ARHGEF38: variants seen among roughly 807,000 people sequenced by gnomAD.
ARHGEF38 encodes Rho guanine nucleotide exchange factor (GEF) 38.
ARHGEF38 carries 79 observed loss-of-function variants against 79.9 expected under a neutral mutation model. The observed-to-expected ratio is 0.99, with a 90% CI of 0.82 to 1.19. The LOEUF is 1.19. Among genes scored for constraint, ARHGEF38 ranks in the 50% most tolerant of loss-of-function variants. The pLI is 0.00. For synonymous variants in ARHGEF38, 366 were observed against 328.3 expected (o/e 1.11, Z -1.24); for missense variants, 962 against 907.2 (o/e 1.06, Z -0.78).
At chr4:105,567,402 G>T (rs2866793) in intron 1 of ARHGEF38, among the ~76,000 whole-genome samples, 1 of 152,128 alleles carries the variant, frequency 6.6e-6, no homozygotes, top group East Asian at 1.9e-4. Flanking sequence ...CATTAAAGCA[G>T]TTTTCACAGA....
At chr4:105,632,032 C>T (rs959679078) in intron 4 of ARHGEF38, among the ~76,000 whole-genome samples, 3 of 152,132 alleles carry the variant, frequency 2.0e-5, no homozygotes, top group South Asian at 4.2e-4. Context: ...GGATCCCCAA[C>T]GGGGATGGGG....
At chr4:105,671,147 T>C (rs750696832) in intron 13 of ARHGEF38, among the ~76,000 whole-genome samples, 2 of 152,222 alleles carry the variant, frequency 1.3e-5, no homozygotes, top group African/African-American at 4.8e-5. Flanking sequence ...TTGGCACCAA[T>C]TCAAAGTAGG....
At position 105,652,254 on chromosome 4, in the gene ARHGEF38, G is replaced by A. The variant is rs1485740369; in HGVS notation, c.1009-1811G>A. On this transcript the variant is annotated intron_variant, in intron 7 of 13. Transcript: ENST00000420470. The stretch of plus-strand genomic sequence containing the variant: ...TCATAATTCCATTATATATGTGTAA[G>A]GATTACAATGAGAAAATGGAAGAAA... 5.9e-5 allele frequency among the ~76,000 whole-genome samples: 9 copies of A among 152,162 alleles called. No homozygotes were observed. The South Asian group carries it at 6.2e-4, about 11-fold the overall frequency.
chr4:105,651,180 G>A (rs1730088496), intron 7 of ARHGEF38, among the ~76,000 whole-genome samples: 1 of 152,196 alleles, frequency 6.6e-6, no homozygotes, highest in African/African-American at 2.4e-5. Context: ...AAAGTGAATT[G>A]TAGTTAAAGT....
chr4:105,641,246 G>A (rs902211965), intron 5 of ARHGEF38, among the ~76,000 whole-genome samples: 46 of 151,882 alleles, frequency 3.0e-4, no homozygotes, highest in Admixed American at 3.0e-3. Context: ...ATTTTCAATG[G>A]ACCCTCCTTA....
Position 105,639,247 on chromosome 4 carries a change from C to T in ARHGEF38, c.674+2827C>T, listed in dbSNP as rs960930032. Among the ~76,000 whole-genome samples the T allele has an allele frequency of 3.3e-5, 5 of 151,788 alleles. No individual in the cohort carries two copies. The East Asian group carries it at 5.8e-4, about 18-fold the overall frequency. On this transcript the variant is annotated intron_variant, in intron 5 of 13. Transcript: ENST00000420470. ...ACTGAGATGTTCATTTTTTCTAATA[C>T]GTTTGTAATGTCTCTTTAATTAGTG...
At chr4:105,613,323 G>A in intron 2 of ARHGEF38, 61 bp from the exon 3 acceptor site, 9 of 1,550,726 alleles carry the variant, frequency 5.8e-6, no homozygotes, top group Admixed American at 1.8e-5. Flanking sequence ...TACTGTTTAG[G>A]AGGAGAAAAC....
In ARHGEF38 at chr4:105,573,467, C is replaced by T. The variant is rs139270075; in HGVS notation, c.197-15781C>T. On this transcript the variant is annotated intron_variant, in intron 1 of 13. Transcript: ENST00000420470. ...ATGCAAATATCCAATTTTCCCGGCA[C>T]CATTTGTTGTAAAGATTGTCTTTTC... Among the ~76,000 whole-genome samples, 12 of 152,238 alleles carry T rather than the reference C, an allele frequency of 7.9e-5. No homozygotes were observed. In the East Asian group the frequency reaches 2.1e-3, roughly 27 times the overall value.
At chr4:105,572,395 A>G (rs1006428982) in intron 1 of ARHGEF38, among the ~76,000 whole-genome samples, 6 of 152,174 alleles carry the variant, frequency 3.9e-5, no homozygotes, top group African/African-American at 1.4e-4. Flanking sequence ...AAATGCACAT[A>G]ACAACATTTA....
chr4:105,604,385 C>T (rs1346331925), intron 2 of ARHGEF38, among the ~76,000 whole-genome samples: 1 of 152,180 alleles, frequency 6.6e-6, no homozygotes, highest in Non-Finnish European at 1.5e-5. Context: ...TGTTACTACT[C>T]AAGTCTACTG....
chr4:105,666,294 G>GA lies in ARHGEF38; in HGVS notation c.1667dup (p.Lys557GlufsTer15). ...CTTTATTGAGAGGAAACTCAGTTTT[G>GA]AAAAGAAGAAACCTGTGCAGATTCT... On this transcript the variant is annotated frameshift_variant, in exon 11 of 14. Coordinates refer to ENST00000420470, the MANE Select transcript of ARHGEF38 (RefSeq NM_001242729.2). LOFTEE classifies it high-confidence loss of function. 6.5e-7 allele frequency: 1 copy of GA among 1,532,156 alleles called. No homozygotes were observed. The highest frequency in any genetic ancestry group is 8.7e-7 in the Non-Finnish European group (1 of 1,145,580). The allele number at this position is 1,532,156 out of a possible 1,614,324, so 94.9% of individuals were successfully genotyped here.
At position 105,677,383 on chromosome 4, in the gene ARHGEF38, G is replaced by C. The variant is rs1164079440; in HGVS notation, c.2149-369G>C. On this transcript the variant is annotated intron_variant, in intron 13 of 13. Coordinates refer to ENST00000420470, the MANE Select transcript of ARHGEF38 (RefSeq NM_001242729.2). ...CTCCCACTTTTCGCCATTCTTATGG[G>C]TAATCCAGTAACATTGTTATGCAAA... is the stretch of plus-strand genomic sequence containing the variant. Among the ~76,000 whole-genome samples, 4 of 152,110 alleles carry C rather than the reference G, an allele frequency of 2.6e-5. No individual in the cohort carries two copies. In the East Asian group the frequency reaches 7.7e-4, roughly 29 times the overall value.
At chr4:105,661,261 G>A (rs1730551024) in intron 10 of ARHGEF38, among the ~76,000 whole-genome samples, 1 of 151,776 alleles carries the variant, frequency 6.6e-6, no homozygotes, top group Non-Finnish European at 1.5e-5. Flanking sequence ...TCCATTTTTT[G>A]GCTGTTATTA....
At chr4:105,582,251 T>A (rs1175085437) in intron 1 of ARHGEF38, among the ~76,000 whole-genome samples, 6 of 151,732 alleles carry the variant, frequency 4.0e-5, no homozygotes, top group Admixed American at 3.3e-4. Flanking sequence ...TCAATTTCAT[T>A]AAGCTTTGTT....
chr4:105,679,207 C>T lies in ARHGEF38; in HGVS notation c.*1270C>T, dbSNP rs1731224651. 4 of 639,050 alleles carry T rather than the reference C, an allele frequency of 6.3e-6. No homozygotes were observed. Among genetic ancestry groups the T allele is most frequent in the East Asian group, 5.5e-5 (2 of 36,586 alleles). 39.6% of individuals were successfully genotyped at this position (639,050 alleles called of 1,614,324 possible). On this transcript the variant is annotated 3_prime_UTR_variant, in exon 14 of 14. Transcript: ENST00000420470. ...ACCTGACTGGCCTGACCAGCCACTC[C>T]TCTGTCTGGAATTAAAAGATGTTTC...
At chr4:105,673,970 T>C (rs1182818781) in intron 13 of ARHGEF38, among the ~76,000 whole-genome samples, 1 of 152,216 alleles carries the variant, frequency 6.6e-6, no homozygotes, top group Non-Finnish European at 1.5e-5. Flanking sequence ...TAAATGCTGA[T>C]TCTGTACCTT....
At chr4:105,567,252 C>T (rs559229406) in intron 1 of ARHGEF38, among the ~76,000 whole-genome samples, 1 of 152,248 alleles carries the variant, frequency 6.6e-6, no homozygotes, top group Admixed American at 6.5e-5. Flanking sequence ...TTTTTAAATA[C>T]TGACCAATAT....
chr4:105,558,821 T>C (rs914454002), intron 1 of ARHGEF38, among the ~76,000 whole-genome samples: 8 of 152,028 alleles, frequency 5.3e-5, no homozygotes, highest in African/African-American at 1.9e-4. Flanking sequence ...TTGTGCTTTT[T>C]TTTTTTGTTT....
At chr4:105,631,931 A>G (rs542585598) in intron 4 of ARHGEF38, among the ~76,000 whole-genome samples, 4 of 152,262 alleles carry the variant, frequency 2.6e-5, no homozygotes, top group Non-Finnish European at 5.9e-5. Flanking sequence ...GAATTAAACA[A>G]CCACAGAGAG....
Sources: gnomAD v4.1 joint callset for allele counts (sites outside exome capture counted in the v4.1 genomes callset) on GRCh38, gnomAD v4.1.1 for gene constraint, MANE v1.5 for transcripts, NCBI Gene and HGNC (gene_info 2026-07-23, HGNC 2026-07-21) for gene names.